Variants in TENM4 observed in about 807,000 individuals in gnomAD.
TENM4 encodes the protein teneurin-4.
A neutral mutation model predicts 243.3 loss-of-function variants in TENM4; 82 were observed. The observed-to-expected ratio is 0.34, with a 90% CI of 0.28 to 0.40. TENM4 has a LOEUF of 0.40. Among genes scored for constraint, TENM4 ranks in the 10% least tolerant of loss-of-function variants. The pLI is 1.00. For synonymous variants in TENM4, 1,412 were observed against 1,456.3 expected, an observed-to-expected ratio of 0.97 and a Z score of 0.69; for missense variants, 3,138 against 3,673.3, an observed-to-expected ratio of 0.85 and a Z score of 3.77.
chr11:79,082,400 T>C (rs560779981), intron 4 of TENM4, among the ~76,000 whole-genome samples: 313 of 152,196 alleles, frequency 2.1e-3, no homozygotes, highest in Admixed American at 3.7e-3. Flanking sequence ...GAGCTAAGGC[T>C]TGGGGGGTTG....
chr11:78,750,752 G>A (rs1272092380), intron 19 of TENM4, among the ~76,000 whole-genome samples: 1 of 152,204 alleles, frequency 6.6e-6, no homozygotes, highest in East Asian at 1.9e-4. Context: ...AACAAGGCAT[G>A]GGACCCACAA....
intron 6 of TENM4, among the ~76,000 whole-genome samples, chr11:79,043,498 T>TC (rs746007908): frequency 6.6e-6 from 1 of 151,802 alleles, no homozygotes; most frequent in Non-Finnish European, 1.5e-5. Flanking sequence ...GAACAAAGTC[T>TC]CCCCCCAGCC....
chr11:78,764,378 C>T (rs1050611816), intron 18 of TENM4, among the ~76,000 whole-genome samples: 1 of 152,258 alleles, frequency 6.6e-6, no homozygotes, highest in South Asian at 2.1e-4. Flanking sequence ...CAACTCTTTA[C>T]AGCAATGCTC....
rs56944318 is a variant in TENM4 at position 79,226,491 on chromosome 11, G to A, written c.-264-10582C>T. ...ATAACCATTGAACACAGGCCCTCAC[G>A]GGAAGAATGTGGCTGGATAACAGGG... On this transcript the variant is annotated intron_variant, in intron 2 of 33. Transcript: ENST00000278550. Among the ~76,000 whole-genome samples, 1,209 of 152,316 alleles carry A rather than the reference G, an allele frequency of 7.9e-3. 20 individuals are homozygous for A. The highest frequency in any genetic ancestry group is 0.028 in the African/African-American group (1,150 of 41,572).
chr11:78,685,906 C>A (rs954734792), intron 29 of TENM4, among the ~76,000 whole-genome samples: 2 of 152,240 alleles, frequency 1.3e-5, no homozygotes, highest in Non-Finnish European at 2.9e-5. Context: ...TATATATCCA[C>A]AGTTCCCAGC....
intron 3 of TENM4, among the ~76,000 whole-genome samples, chr11:79,207,588 G>A (rs1490543684): frequency 6.6e-6 from 1 of 152,100 alleles, no homozygotes; most frequent in Non-Finnish European, 1.5e-5. Flanking sequence ...CAGGTGGCGG[G>A]GTGTGGTGGC....
intron 1 of TENM4, among the ~76,000 whole-genome samples, chr11:79,394,118 C>A (rs1010505140): frequency 6.6e-6 from 1 of 152,188 alleles, no homozygotes; most frequent in South Asian, 2.1e-4. Context: ...CTCACTAAAC[C>A]CTAGTTCTCT....
At chr11:78,754,842 C>T (rs1168965790) in intron 19 of TENM4, among the ~76,000 whole-genome samples, 2 of 152,180 alleles carry the variant, frequency 1.3e-5, no homozygotes, top group African/African-American at 4.8e-5. Context: ...TTGGAGGGTT[C>T]GGACCATCAA....
chr11:78,728,479 T>A (rs1341764221), intron 22 of TENM4, among the ~76,000 whole-genome samples: 1 of 151,228 alleles, frequency 6.6e-6, no homozygotes, highest in Non-Finnish European at 1.5e-5. Context: ...CCCCTCTTCC[T>A]CCCTCCCTTC....
At chr11:79,230,555 C>A (rs986408065) in intron 2 of TENM4, among the ~76,000 whole-genome samples, 2 of 152,214 alleles carry the variant, frequency 1.3e-5, no homozygotes, top group African/African-American at 4.8e-5. Context: ...CCTCTCTGAG[C>A]CTTAGTTCCT....
Position 79,392,000 on chromosome 11 carries a change from A to G in TENM4, c.-321+48509T>C, listed in dbSNP as rs182676937. On this transcript the variant is annotated intron_variant, in intron 1 of 33. Transcript: ENST00000278550. ...TATATTATTGGGATCCAAGAAATAA[A>G]ATTGGCTTTCCTCTTTCATGCAGTT... Among the ~76,000 whole-genome samples, 3 of 152,368 alleles carry G rather than the reference A, an allele frequency of 2.0e-5. No individual in the cohort carries two copies. The East Asian group carries it at 5.8e-4, about 29-fold the overall frequency.
At position 78,713,508 on chromosome 11, in the gene TENM4, G is replaced by A. The variant is rs7948186; in HGVS notation, c.3822-794C>T. On this transcript the variant is annotated intron_variant, in intron 25 of 33. Transcript: ENST00000278550. ...GCACTGCCTCTAGCCACAGGGTGAG[G>A]AAACGGCACAGGATTTGCAATCAGA... 6.8e-3 allele frequency among the ~76,000 whole-genome samples: 1,029 copies of A among 152,314 alleles called. 16 individuals are homozygous for A. Among genetic ancestry groups the A allele is most frequent in the African/African-American group, 0.024 (998 of 41,566 alleles).
chr11:78,793,351 T>G (rs931810176), intron 15 of TENM4, among the ~76,000 whole-genome samples: 1 of 152,190 alleles, frequency 6.6e-6, no homozygotes, highest in Non-Finnish European at 1.5e-5. Flanking sequence ...ATTCCAGTCA[T>G]GTGGAAACAG....
chr11:78,753,713 C>CTT (rs201125417), intron 19 of TENM4, among the ~76,000 whole-genome samples: 2 of 141,620 alleles, frequency 1.4e-5, no homozygotes, highest in African/African-American at 2.6e-5. Flanking sequence ...TTTACAGTAA[C>CTT]TTTTTTTTTT....
intron 1 of TENM4, among the ~76,000 whole-genome samples, chr11:79,413,296 C>G (rs1192015548): frequency 6.6e-6 from 1 of 152,216 alleles, no homozygotes; most frequent in African/African-American, 2.4e-5. Flanking sequence ...ACACTCCAGG[C>G]TGCGCACCAC....
intron 6 of TENM4, among the ~76,000 whole-genome samples, chr11:78,976,795 C>A (rs777343106): frequency 2.2e-4 from 34 of 152,132 alleles, no homozygotes; most frequent in Non-Finnish European, 4.1e-4. Flanking sequence ...GGAAGAAAAA[C>A]AAACTTTTTT....
intron 1 of TENM4, among the ~76,000 whole-genome samples, chr11:79,311,141 A>G (rs1856715030): frequency 6.6e-6 from 1 of 152,164 alleles, no homozygotes; most frequent in South Asian, 2.1e-4. Flanking sequence ...GATTGCTCAG[A>G]GTGTACATAG....
In TENM4 at chr11:79,408,540, T is replaced by C. The variant is rs377357001; in HGVS notation, c.-321+31969A>G. On this transcript the variant is annotated intron_variant, in intron 1 of 33. Coordinates refer to ENST00000278550, the MANE Select transcript of TENM4 (RefSeq NM_001098816.3). ...ATTAAACAAGAATATGTAACCTCTG[T>C]AATAATCTCCCAAATACCTGGCATA... Among the ~76,000 whole-genome samples, 33 of 152,366 alleles carry C rather than the reference T, an allele frequency of 2.2e-4. No individual in the cohort carries two copies. The East Asian group carries it at 6.2e-3, about 29-fold the overall frequency.
At chr11:79,071,988 C>G (rs1284671137) in intron 4 of TENM4, among the ~76,000 whole-genome samples, 1 of 152,076 alleles carries the variant, frequency 6.6e-6, no homozygotes. Context: ...GGGTGTAACT[C>G]GAGACACACA....
Sources: allele counts gnomAD v4.1 joint callset (sites outside exome capture counted in the v4.1 genomes callset), GRCh38; gene constraint gnomAD v4.1.1; transcripts MANE v1.5; gene names NCBI Gene and HGNC (gene_info 2026-07-23, HGNC 2026-07-21).